Variants in FLT1 observed in about 807,000 individuals in gnomAD.
FLT1 encodes the protein fms related receptor tyrosine kinase 1.
Under a neutral mutation model 156.3 loss-of-function variants are expected in FLT1, and 49 were observed. That is an observed-to-expected ratio of 0.31 (90% confidence interval 0.25 to 0.40). The LOEUF is 0.40. FLT1 is among the 10% of genes least tolerant of loss of function. The pLI, the probability that FLT1 is intolerant of heterozygous loss-of-function variation, is 1.00. For synonymous variants in FLT1, 594 were observed against 583.8 expected, an observed-to-expected ratio of 1.02 and a Z score of -0.25; for missense variants, 1,322 against 1,637.2, an observed-to-expected ratio of 0.81 and a Z score of 3.32.
Position 28,329,739 on chromosome 13 carries a change from A to G in FLT1, c.2594-11T>C. The stretch of plus-strand genomic sequence containing the variant: ...TGGCCGTGGCCCCCTCTGTGTGAGA[A>G]GCAAGGAAGAGTCAGGGCGACAGGA... On this transcript the variant is annotated splice_polypyrimidine_tract_variant and intron_variant, in intron 18 of 29. Coordinates refer to ENST00000282397, the MANE Select transcript of FLT1 (RefSeq NM_002019.4). 1 of 1,606,056 alleles carries G rather than the reference A, an allele frequency of 6.2e-7. No homozygotes were observed. The highest frequency in any genetic ancestry group is 8.5e-7 in the Non-Finnish European group (1 of 1,173,026).
intron 11 of FLT1, among the ~76,000 whole-genome samples, chr13:28,397,533 C>T (rs1319906575): frequency 2.6e-5 from 4 of 151,954 alleles, no homozygotes; most frequent in Non-Finnish European, 5.9e-5. Context: ...TGAGCAAGGA[C>T]AGAAGATAAT....
At chr13:28,440,179 C>A (rs1430940987) in intron 3 of FLT1, among the ~76,000 whole-genome samples, 1 of 152,134 alleles carries the variant, frequency 6.6e-6, no homozygotes, top group African/African-American at 2.4e-5. Flanking sequence ...GTCCACAGAA[C>A]CAGCAGTTTT....
intron 1 of FLT1, among the ~76,000 whole-genome samples, chr13:28,481,185 C>G (rs1434026248): frequency 1.3e-5 from 2 of 152,192 alleles, no homozygotes; most frequent in African/African-American, 2.4e-5. Flanking sequence ...AGCCAGTTAA[C>G]AGTCTCCCAG....
At chr13:28,437,834 G>C (rs1410151806) in intron 4 of FLT1, among the ~76,000 whole-genome samples, 1 of 152,126 alleles carries the variant, frequency 6.6e-6, no homozygotes, top group African/African-American at 2.4e-5. Context: ...CTGGAGAACT[G>C]GGCACCCTGC....
chr13:28,326,616 C>T (rs1871693240), intron 20 of FLT1, among the ~76,000 whole-genome samples: 1 of 151,256 alleles, frequency 6.6e-6, no homozygotes, highest in East Asian at 1.9e-4. Context: ...ACCTCAGCCT[C>T]CCAGGCTCAA....
chr13:28,398,959 T>G lies in FLT1; in HGVS notation c.1552-1891A>C, dbSNP rs190874980. The G allele has an allele frequency of 2.7e-5, 25 of 922,914 alleles. No homozygotes were observed. The East Asian group carries it at 6.6e-4, about 24-fold the overall frequency. 57.2% of individuals were successfully genotyped at this position (922,914 alleles called of 1,614,324 possible). ...GAGCTCAGGTGTCCCTTTTCTTATT[T>G]TGATGATGAATCTTTTTAAGAGGTG... On this transcript the variant is annotated intron_variant, in intron 11 of 29. Transcript: ENST00000282397.
intron 16 of FLT1, among the ~76,000 whole-genome samples, chr13:28,341,401 A>G (rs1423526366): frequency 6.6e-6 from 1 of 152,250 alleles, no homozygotes; most frequent in African/African-American, 2.4e-5. Flanking sequence ...CTGGGTTTGA[A>G]TCACAGGTCA....
rs1355243790 is a variant in FLT1 at position 28,465,590 on chromosome 13, C to G, written c.388+1313G>C. Among the ~76,000 whole-genome samples the G allele has an allele frequency of 2.0e-5, 3 of 152,140 alleles. No individual in the cohort carries two copies. The East Asian group carries it at 5.8e-4, about 29-fold the overall frequency. On this transcript the variant is annotated intron_variant, in intron 3 of 29. Transcript: ENST00000282397. ...AGGCACGGTAGCTCATGCCTGTAAT[C>G]CCAACACTTTGGGAGGCCGAGGCAG...
At chr13:28,327,185 G>C (rs957871366) in intron 20 of FLT1, among the ~76,000 whole-genome samples, 1 of 152,238 alleles carries the variant, frequency 6.6e-6, no homozygotes, top group African/African-American at 2.4e-5. Context: ...GAGAAAGAGA[G>C]AAAGTTATTG....
intron 1 of FLT1, among the ~76,000 whole-genome samples, chr13:28,480,035 C>T (rs558045406): frequency 6.6e-6 from 1 of 152,272 alleles, no homozygotes; most frequent in East Asian, 1.9e-4. Flanking sequence ...CGAAGCTGCT[C>T]CCATGAAATT....
At chr13:28,319,173 A>G (rs1871334620) in intron 24 of FLT1, among the ~76,000 whole-genome samples, 1 of 152,196 alleles carries the variant, frequency 6.6e-6, no homozygotes, top group South Asian at 2.1e-4. Context: ...ACCCTTGTTC[A>G]TGATCGTATA....
chr13:28,494,678 G>A, intron 1 of FLT1, 102 bp downstream of exon 1: 1 of 891,704 alleles, frequency 1.1e-6, no homozygotes, highest in East Asian at 2.9e-5. Flanking sequence ...CCGGGCTACA[G>A]CCTCGTCTCC....
intron 29 of FLT1, 125 bp from the exon 30 acceptor site, chr13:28,303,493 C>CCA (rs1491390838): frequency 1.9e-5 from 6 of 321,400 alleles, no homozygotes; most frequent in Non-Finnish European, 2.9e-5. Context: ...GGTTTTGGAA[C>CCA]CCCCCCCCCC....
In FLT1 at chr13:28,386,020, C is replaced by T. The variant is rs1874341686; in HGVS notation, c.1970-989G>A. The T allele has an allele frequency of 3.8e-6, 4 of 1,052,408 alleles. No individual in the cohort carries two copies. The South Asian group carries it at 1.4e-4, about 36-fold the overall frequency. 65.2% of individuals were successfully genotyped at this position (1,052,408 alleles called of 1,614,324 possible). Reference sequence around the variant, plus strand: ...ATTCCTTTCCCCTCTTGTTGGAAATCCTGGAACAGAAATCAAAAGAGTTTT... The same window carrying T: ...ATTCCTTTCCCCTCTTGTTGGAAATTCTGGAACAGAAATCAAAAGAGTTTT... On this transcript the variant is annotated intron_variant, in intron 13 of 29. Coordinates refer to ENST00000282397, the MANE Select transcript of FLT1 (RefSeq NM_002019.4).
chr13:28,396,880 ATAAATGC>A, intron 12 of FLT1, 73 bp downstream of exon 12: 1 of 856,872 alleles, frequency 1.2e-6, no homozygotes, highest in East Asian at 2.5e-5. Context: ...CACTCAAGCT[ATAAATGC>A]ACTAAAAGCA....
chr13:28,442,701 T>TACACACACACACACAC (rs111263665), intron 3 of FLT1, among the ~76,000 whole-genome samples: 24 of 147,008 alleles, frequency 1.6e-4, no homozygotes, highest in African/African-American at 5.5e-4. Context: ...TGACTGTAGA[T>TACACACACACACACAC]ACACACACAC....
intron 11 of FLT1, among the ~76,000 whole-genome samples, chr13:28,397,922 C>G (rs1875165116): frequency 6.6e-6 from 1 of 151,976 alleles, no homozygotes; most frequent in East Asian, 1.9e-4. Context: ...AACTTAGTCC[C>G]TAAAGAAACA....
At chr13:28,363,379 A>G (rs562344020) in intron 14 of FLT1, among the ~76,000 whole-genome samples, 1 of 152,258 alleles carries the variant, frequency 6.6e-6, no homozygotes, top group South Asian at 2.1e-4. Flanking sequence ...ATTTATAGAT[A>G]CTTTATCCCT....
At chr13:28,473,728 AAGAAG>A (rs1880335850) in intron 1 of FLT1, among the ~76,000 whole-genome samples, 7 of 79,118 alleles carry the variant, frequency 8.8e-5, no homozygotes, top group African/African-American at 5.0e-4. Flanking sequence ...GAAAGAAAGA[AAGAAG>A]GAAGGAAGGA....
Sources: allele counts gnomAD v4.1 joint callset (sites outside exome capture counted in the v4.1 genomes callset), GRCh38; gene constraint gnomAD v4.1.1; transcripts MANE v1.5; gene names NCBI Gene and HGNC (gene_info 2026-07-23, HGNC 2026-07-21).